MAP2K7: variants seen among roughly 807,000 people sequenced by gnomAD.
MAP2K7 encodes the protein dual specificity mitogen-activated protein kinase kinase 7.
Under a neutral mutation model 47.7 loss-of-function variants are expected in MAP2K7, and 12 were observed. That is an observed-to-expected ratio of 0.25 (90% CI 0.16 to 0.41). The LOEUF (loss-of-function observed/expected upper bound fraction) is 0.41. Ranked by LOEUF, MAP2K7 falls within the 10% of genes least tolerant of loss-of-function variation. The pLI is 1.00. For missense variants in MAP2K7, 415 were observed against 600.3 expected (o/e 0.69, Z 3.23); for synonymous variants, 299 against 243.0 (o/e 1.23, Z -2.14).
intron 1 of MAP2K7, among the ~76,000 whole-genome samples, chr19:7,904,838 A>G (rs1303569895): frequency 1.3e-5 from 2 of 152,016 alleles, no homozygotes; most frequent in Non-Finnish European, 2.9e-5. Flanking sequence ...CCTGTGTTCA[A>G]GTGATGGCTC....
At position 7,913,772 on chromosome 19, in the gene MAP2K7, A is replaced by AG. The variant is rs1330479643; in HGVS notation, c.*1341_*1342insG. ...AAAAATAACAAAACAAAAAACAAGAAAAAAAAAACACAAAACCCCGTAAAA... is the reference window on the plus strand; with the variant it reads ...AAAAATAACAAAACAAAAAACAAGAAGAAAAAAAACACAAAACCCCGTAAAA... On this transcript the variant is annotated 3_prime_UTR_variant, in exon 11 of 11. Transcript: ENST00000397979. 2 of 151,908 alleles carry AG rather than the reference A, an allele frequency of 1.3e-5. No individual in the cohort carries two copies. The highest frequency in any genetic ancestry group is 4.9e-5 in the African/African-American group (2 of 41,222). The allele number at this position is 151,908 out of a possible 1,614,324, so 9.4% of individuals were successfully genotyped here.
At position 7,912,393 on chromosome 19, in the gene MAP2K7, G is replaced by A. The variant is rs745460007; in HGVS notation, c.1222G>A (p.Gly408Ser). Reference sequence around the variant, plus strand: ...GAAGACTGAGTCACCGCGGACTAGCGGCGTCCTGAGCCAGCCCCACCTGCC... The same window carrying A: ...GAAGACTGAGTCACCGCGGACTAGCAGCGTCCTGAGCCAGCCCCACCTGCC... ...MAKTESPRTS[G>S]VLSQPHLPFF... The change falls in exon 11 of 11, where the codon GGC (glycine) becomes AGC (serine). Residue 408 changes from glycine (G) to serine (S), a missense_variant. Coordinates refer to ENST00000397979, the MANE Select transcript of MAP2K7 (RefSeq NM_145185.4). The A allele has an allele frequency of 4.4e-5, 71 of 1,612,674 alleles. No individual in the cohort carries two copies. The highest frequency in any genetic ancestry group is 2.5e-4 in the African/African-American group (19 of 74,944).
intron 1 of MAP2K7, among the ~76,000 whole-genome samples, chr19:7,909,057 G>A (rs1026558264): frequency 6.6e-6 from 1 of 152,132 alleles, no homozygotes; most frequent in East Asian, 1.9e-4. Context: ...GGTCCCGCCA[G>A]CCCCTGCAGG....
chr19:7,908,807 C>G lies in MAP2K7; in HGVS notation c.125-948C>G, dbSNP rs145684261. ...ACCCTAGCTCCTCCGGGAAGCTGCC[C>G]TCCTGTCCCAGGCCCCTCTCTGGCC... On this transcript the variant is annotated intron_variant, in intron 1 of 10. Coordinates refer to ENST00000397979, the MANE Select transcript of MAP2K7 (RefSeq NM_145185.4). Among the ~76,000 whole-genome samples the G allele has an allele frequency of 6.6e-3, 1,000 of 152,212 alleles. 6 individuals are homozygous for G. The highest frequency in any genetic ancestry group is 0.011 in the Non-Finnish European group (744 of 67,968).
Position 7,905,939 on chromosome 19 carries a change from C to A in MAP2K7, c.124+1871C>A, listed in dbSNP as rs912695725. On this transcript the variant is annotated intron_variant, in intron 1 of 10. Coordinates refer to ENST00000397979, the MANE Select transcript of MAP2K7 (RefSeq NM_145185.4). ...CCGGCCGCAGAATGGCGTCCCCCAG[C>A]CCCCATGCTCTGTGTGTGTCCCCAT... 10 of 1,187,836 alleles carry A rather than the reference C, an allele frequency of 8.4e-6. No homozygotes were observed. The African/African-American group carries it at 1.4e-4, about 17-fold the overall frequency. 73.6% of individuals were successfully genotyped at this position (1,187,836 alleles called of 1,614,324 possible). A position where few individuals can be genotyped will look rare whatever the true frequency, so the allele number is the denominator to read the frequency against.
At chr19:7,909,728 C>G (rs763152635) in intron 1 of MAP2K7, 27 bp from the exon 2 acceptor site, 1 of 1,490,030 alleles carries the variant, frequency 6.7e-7, no homozygotes, top group Non-Finnish European at 9.0e-7. Flanking sequence ...TGACCCCCCT[C>G]CCTGCCACTG....
chr19:7,910,406 A>G, intron 4 of MAP2K7, 33 bp downstream of exon 4: 4 of 1,604,572 alleles, frequency 2.5e-6, no homozygotes, highest in Non-Finnish European at 3.4e-6. Flanking sequence ...GCTGCGCCCC[A>G]CACCCCAGGC....
chr19:7,908,152 G>A (rs1169265787), intron 1 of MAP2K7, among the ~76,000 whole-genome samples: 6 of 150,178 alleles, frequency 4.0e-5, no homozygotes, highest in Non-Finnish European at 8.9e-5. Context: ...GTGACAGAGC[G>A]AGAACCTATC....
In MAP2K7 at chr19:7,910,352, C is replaced by G; in HGVS notation, c.426C>G (p.Thr142=). 1 of 1,612,976 alleles carries G rather than the reference C, an allele frequency of 6.2e-7. No individual in the cohort carries two copies. Among genetic ancestry groups the G allele is most frequent in the Non-Finnish European group, 8.5e-7 (1 of 1,179,872 alleles). ...GQVWKMRFRK[T]GHVIAVKQMR... ...TGTGGAAGATGCGCTTCCGGAAGAC[C>G]GGCCACGTCATTGCCGTTAAGGTGA... The change falls in exon 4 of 11, where the codon ACC becomes ACG. Residue 142 remains threonine (T), a synonymous_variant. Coordinates refer to ENST00000397979, the MANE Select transcript of MAP2K7 (RefSeq NM_145185.4).
rs1403159799 is a variant in MAP2K7, at chr19:7,904,024, G to T, written c.80G>T (p.Arg27Met). Residue 27 changes from arginine (R) to methionine (M), a missense_variant, in exon 1 of 11, where the codon AGG becomes ATG. By Grantham distance (91) the Arg-to-Met change is moderately conservative (BLOSUM62 -1). Coordinates refer to ENST00000397979, the MANE Select transcript of MAP2K7 (RefSeq NM_145185.4). ...CAGGAGAACCGGGAGGCCCGGCGGAGGATCGACCTCAACCTGGATATCAGC... is the reference window on the plus strand; with the variant it reads ...CAGGAGAACCGGGAGGCCCGGCGGATGATCGACCTCAACCTGGATATCAGC... ...LKQENREARR[R>M]IDLNLDISPQ... 2.0e-6 allele frequency: 3 copies of T among 1,477,194 alleles called. No individual in the cohort carries two copies. Among genetic ancestry groups the T allele is most frequent in the African/African-American group, 1.5e-5 (1 of 67,840 alleles). The allele number at this position is 1,477,194 out of a possible 1,614,324, so 91.5% of individuals were successfully genotyped here. A position where few individuals can be genotyped will look rare whatever the true frequency, so the allele number is the denominator to read the frequency against.
chr19:7,910,751 A>T lies in MAP2K7; in HGVS notation c.623A>T (p.Lys208Met), dbSNP rs763209807. The T allele has an allele frequency of 4.3e-6, 7 of 1,611,976 alleles. No individual in the cohort carries two copies. In the East Asian group the frequency reaches 1.3e-4, roughly 31 times the overall value. The change falls in exon 6 of 11, where the codon AAG (lysine) becomes ATG (methionine). Residue 208 changes from lysine to methionine, a missense_variant. By Grantham distance (95) the Lys-to-Met change is moderately conservative. This residue lies in a region of MAP2K7 where 206 missense variants were observed against 368.8 expected (regional missense o/e 0.56). Transcript: ENST00000397979. ...GGCACCTGCGCTGAGAAGCTCAAGA[A>T]GCGGATGCAGGGCCCCATCCCCGAG... ...LMGTCAEKLK[K>M]RMQGPIPERI...
At chr19:7,912,025 C>T (rs1056342191) in intron 9 of MAP2K7, 124 bp from the exon 10 acceptor site, 2 of 852,634 alleles carry the variant, frequency 2.3e-6, no homozygotes, top group East Asian at 4.9e-5. Context: ...AGGACATCCA[C>T]AGCTCCTTCC....
chr19:7,906,594 T>G (rs959799880), intron 1 of MAP2K7: 2 of 152,066 alleles, frequency 1.3e-5, no homozygotes, highest in African/African-American at 4.8e-5. Context: ...CTCAAAAATT[T>G]AAAAACTGGG....
At chr19:7,911,199 G>A (rs770113011) in intron 7 of MAP2K7, 40 bp downstream of exon 7, 4 of 1,608,004 alleles carry the variant, frequency 2.5e-6, no homozygotes, top group South Asian at 1.1e-5. Flanking sequence ...GGTGGGGGCT[G>A]GGAGGCCGGC....
chr19:7,912,488 C>T lies in MAP2K7; in HGVS notation c.*57C>T. The T allele has an allele frequency of 1.9e-6, 3 of 1,540,016 alleles. No homozygotes were observed. Among genetic ancestry groups the T allele is most frequent in the Non-Finnish European group, 2.6e-6 (3 of 1,149,008 alleles). The stretch of plus-strand genomic sequence containing the variant: ...CAGGGGCATGGCCACAGGCCCCCCT[C>T]CCCACTTGGCCACCCAGCTGCCTGC... On this transcript the variant is annotated 3_prime_UTR_variant, in exon 11 of 11. Coordinates refer to ENST00000397979, the MANE Select transcript of MAP2K7 (RefSeq NM_145185.4).
intron 1 of MAP2K7, among the ~76,000 whole-genome samples, chr19:7,904,920 G>A (rs1418608797): frequency 4.6e-5 from 7 of 151,732 alleles, no homozygotes; most frequent in Non-Finnish European, 1.0e-4. Flanking sequence ...GCCTGCTCCC[G>A]CCGCGCCCCA....
In MAP2K7 at chr19:7,910,545, G is replaced by T. The variant is rs760421768; in HGVS notation, c.540G>T (p.Val180=). The T allele has an allele frequency of 1.2e-5, 20 of 1,613,540 alleles. No individual in the cohort carries two copies. Among genetic ancestry groups the T allele is most frequent in the African/African-American group, 4.0e-5 (3 of 74,936 alleles). The change falls in exon 5 of 11, where the codon GTG becomes GTT. Residue 180 remains valine (V), a synonymous_variant. Coordinates refer to ENST00000397979, the MANE Select transcript of MAP2K7 (RefSeq NM_145185.4). The stretch of plus-strand genomic sequence containing the variant: ...AGAGCCACGACTGCCCCTACATCGT[G>T]CAGTGCTTTGGGACGTTCATCACCA... ...VLKSHDCPYI[V]QCFGTFITNT...
Position 7,910,964 on chromosome 19 carries a change from CT to C in MAP2K7, c.676-15del, listed in dbSNP as rs1348487279. The stretch of plus-strand genomic sequence containing the variant: ...TGTGCCCCCTGCCACATGCACCCCC[CT>C]CTGCGTGCCTGCAGATTGTGAAGGC... On this transcript the variant is annotated splice_polypyrimidine_tract_variant and intron_variant, in intron 6 of 10. Transcript: ENST00000397979. The C allele has an allele frequency of 3.7e-6, 6 of 1,601,866 alleles. No individual in the cohort carries two copies. The highest frequency in any genetic ancestry group is 5.1e-6 in the Non-Finnish European group (6 of 1,171,502).
Position 7,909,853 on chromosome 19 carries a change from C to T in MAP2K7, c.223C>T (p.Leu75=). 6.5e-7 allele frequency: 1 copy of T among 1,539,408 alleles called. No homozygotes were observed. The highest frequency in any genetic ancestry group is 8.8e-7 in the Non-Finnish European group (1 of 1,142,502). Residue 75 remains leucine, a synonymous_variant, in exon 2 of 11, where the codon CTG becomes TTG. Coordinates refer to ENST00000397979, the MANE Select transcript of MAP2K7 (RefSeq NM_145185.4). ...PTPPARPRHM[L]GLPSTLFTPR... Reference sequence around the variant, plus strand: ...GCCCCCCGCCCGGCCCCGCCACATGCTGGGGCTCCCGTCAACCCTGTTCAC... The same window carrying T: ...GCCCCCCGCCCGGCCCCGCCACATGTTGGGGCTCCCGTCAACCCTGTTCAC...
Sources: gnomAD v4.1 joint callset for allele counts (sites outside exome capture counted in the v4.1 genomes callset) on GRCh38, gnomAD v4.1.1 for gene constraint, gnomAD v4.1.1 regional missense constraint, MANE v1.5 for transcripts, NCBI Gene and HGNC (gene_info 2026-07-23, HGNC 2026-07-21) for gene names.